LIPH: variants seen among roughly 807,000 people sequenced by gnomAD.
LIPH encodes the protein lipase member H.
A neutral mutation model predicts 47.6 loss-of-function variants in LIPH; 32 were observed. The observed-to-expected ratio is 0.67, with a 90% CI of 0.51 to 0.90. The LOEUF is 0.90. LIPH is among the 40% of genes least tolerant of loss of function. The pLI is 0.00. For missense variants in LIPH, 497 were observed against 541.4 expected (o/e 0.92, Z 0.81); for synonymous variants, 190 against 195.6 (o/e 0.97, Z 0.24).
intron 2 of LIPH, 118 bp from the exon 3 acceptor site, chr3:185,533,797 C>T: frequency 1.4e-6 from 1 of 690,472 alleles, no homozygotes; most frequent in Non-Finnish European, 2.6e-6. Flanking sequence ...CATCTATTAT[C>T]TCATTTAAAA....
rs866647099 is a variant in LIPH, at chr3:185,529,983, A to G, written c.527-2398T>C. ...GAAAGAAGGAAAGAAAGAAAGAGAGAGAGAGAGAAAATAAGCAGTGCCTGG... is the reference window on the plus strand; with the variant it reads ...GAAAGAAGGAAAGAAAGAAAGAGAGGGAGAGAGAAAATAAGCAGTGCCTGG... On this transcript the variant is annotated intron_variant, in intron 3 of 9. Transcript: ENST00000296252. Among the ~76,000 whole-genome samples the G allele has an allele frequency of 7.4e-3, 1,105 of 150,218 alleles. 26 individuals carry two copies. The highest frequency in any genetic ancestry group is 0.026 in the African/African-American group (1,052 of 40,504).
rs777707092 is a variant in LIPH, at chr3:185,535,085, C to A, written c.97G>T (p.Ala33Ser). The A allele has an allele frequency of 6.2e-7, 1 of 1,614,054 alleles. No individual in the cohort carries two copies. Among genetic ancestry groups the A allele is most frequent in the Admixed American group, 1.7e-5 (1 of 59,996 alleles). Residue 33 changes from alanine to serine, a missense_variant, in exon 2 of 10, where the codon GCA becomes TCA. Physicochemically the swap from Ala to Ser is moderately conservative, Grantham distance 99. Coordinates refer to ENST00000296252, the MANE Select transcript of LIPH (RefSeq NM_139248.3). ...ACATTTAGTCCCGTACCAACCACTG[C>A]ACTGTGAAAGCTCAGCCTGGTGAAT... is the stretch of plus-strand genomic sequence containing the variant. ...PSFTRLSFHS[A>S]VVGTGLNVRL...
chr3:185,551,096 C>A (rs1721035276), intron 1 of LIPH, among the ~76,000 whole-genome samples: 1 of 152,072 alleles, frequency 6.6e-6, no homozygotes, highest in South Asian at 2.1e-4. Flanking sequence ...ATCGCGTGAA[C>A]CAGGGAGGGG....
intron 1 of LIPH, among the ~76,000 whole-genome samples, chr3:185,540,026 C>A (rs1395915485): frequency 6.6e-6 from 1 of 152,236 alleles, no homozygotes; most frequent in Non-Finnish European, 1.5e-5. Flanking sequence ...CTGAAATATT[C>A]TCAGAACTGT....
intron 1 of LIPH, among the ~76,000 whole-genome samples, chr3:185,538,915 A>G (rs1236878436): frequency 6.8e-6 from 1 of 146,582 alleles, no homozygotes; most frequent in African/African-American, 2.5e-5. Flanking sequence ...ATACACATAT[A>G]TACACATATA....
chr3:185,512,559 G>C (rs921905136), intron 8 of LIPH, among the ~76,000 whole-genome samples: 2 of 150,286 alleles, frequency 1.3e-5, no homozygotes, highest in Admixed American at 6.7e-5. Flanking sequence ...TGTGATCTCG[G>C]TTCACTGCAA....
At chr3:185,524,575 G>A (rs1343256472) in intron 4 of LIPH, among the ~76,000 whole-genome samples, 5 of 151,056 alleles carry the variant, frequency 3.3e-5, no homozygotes, top group South Asian at 4.2e-4. Flanking sequence ...TCAGCCTCCC[G>A]AGTAGCTGGA....
intron 3 of LIPH, among the ~76,000 whole-genome samples, chr3:185,529,974 GAA>G (rs61704073): frequency 0.22 from 18,535 of 84,502 alleles, 1,708 homozygotes; most frequent in Non-Finnish European, 0.29. Context: ...AGGAAAGAAA[GAA>G]AGAGAGAGAG....
chr3:185,522,094 C>T (rs1719911471), intron 5 of LIPH, among the ~76,000 whole-genome samples: 1 of 152,148 alleles, frequency 6.6e-6, no homozygotes, highest in Non-Finnish European at 1.5e-5. Flanking sequence ...GTAAGGATGA[C>T]ACCAGGTTCA....
chr3:185,508,537 A>T lies in LIPH; in HGVS notation c.*253T>A. The T allele has an allele frequency of 4.0e-6, 2 of 498,494 alleles. No homozygotes were observed. Among genetic ancestry groups the T allele is most frequent in the Non-Finnish European group, 7.3e-6 (2 of 274,316 alleles). The allele number at this position is 498,494 out of a possible 1,614,324, so 30.9% of individuals were successfully genotyped here. A position where few individuals can be genotyped will look rare whatever the true frequency, so the allele number is the denominator to read the frequency against. On this transcript the variant is annotated 3_prime_UTR_variant, in exon 10 of 10. Coordinates refer to ENST00000296252, the MANE Select transcript of LIPH (RefSeq NM_139248.3). ...GTCGGAACAAGGGAGGCCCCAGGACACAGCAGACACAGCGCTGCGCTGCTG... is the reference window on the plus strand; with the variant it reads ...GTCGGAACAAGGGAGGCCCCAGGACTCAGCAGACACAGCGCTGCGCTGCTG...
At chr3:185,513,121 T>TTG (rs1719621539) in intron 8 of LIPH, among the ~76,000 whole-genome samples, 1 of 151,964 alleles carries the variant, frequency 6.6e-6, no homozygotes, top group African/African-American at 2.4e-5. Context: ...GGCAGGCAGA[T>TTG]CACAAGGTCA....
chr3:185,520,282 A>G (rs1198868485), intron 5 of LIPH, among the ~76,000 whole-genome samples: 2 of 152,036 alleles, frequency 1.3e-5, no homozygotes, highest in African/African-American at 4.8e-5. Flanking sequence ...GCACTTTGGG[A>G]GGCTGAGATG....
chr3:185,533,812 C>T (rs765189986), intron 2 of LIPH, 133 bp from the exon 3 acceptor site: 13 of 655,504 alleles, frequency 2.0e-5, no homozygotes, highest in Non-Finnish European at 3.6e-5. Flanking sequence ...TTAAAAGTCA[C>T]AACATCCATG....
At chr3:185,531,504 C>T (rs1023393089) in intron 3 of LIPH, among the ~76,000 whole-genome samples, 3 of 150,980 alleles carry the variant, frequency 2.0e-5, no homozygotes, top group Admixed American at 2.0e-4. Context: ...CTGCAGTGAG[C>T]CATGATCATG....
At chr3:185,548,413 G>GC (rs1553827013) in intron 1 of LIPH, among the ~76,000 whole-genome samples, 5 of 125,554 alleles carry the variant, frequency 4.0e-5, no homozygotes, top group Non-Finnish European at 1.7e-5. Flanking sequence ...CACATAAAAG[G>GC]AAAAAAAAAA....
chr3:185,527,337 C>T, intron 4 of LIPH, 147 bp downstream of exon 4: 2 of 722,000 alleles, frequency 2.8e-6, no homozygotes, highest in African/African-American at 1.7e-5. Flanking sequence ...AGCTTCCCTT[C>T]AATATTTCGG....
At chr3:185,530,976 G>A (rs916153049) in intron 3 of LIPH, among the ~76,000 whole-genome samples, 3 of 152,134 alleles carry the variant, frequency 2.0e-5, no homozygotes, top group African/African-American at 4.8e-5. Context: ...GAGTGATAAC[G>A]GTGCTCTTAA....
chr3:185,519,354 T>C (rs1226392141), intron 5 of LIPH, 45 bp from the exon 6 acceptor site: 2 of 1,211,618 alleles, frequency 1.7e-6, no homozygotes, highest in Non-Finnish European at 1.2e-6. Flanking sequence ...GGTTGAAGCA[T>C]TTAGTAATAC....
chr3:185,514,265 G>A, intron 8 of LIPH, 145 bp downstream of exon 8: 2 of 643,018 alleles, frequency 3.1e-6, no homozygotes, highest in Non-Finnish European at 5.7e-6. Context: ...AACCAGGGAA[G>A]CAACTAAGCA....
Sources: allele counts gnomAD v4.1 joint callset (sites outside exome capture counted in the v4.1 genomes callset), GRCh38; gene constraint gnomAD v4.1.1; transcripts MANE v1.5; gene names NCBI Gene and HGNC (gene_info 2026-07-23, HGNC 2026-07-21).